Variants in EFCAB6 observed in about 807,000 individuals in gnomAD.
EFCAB6 encodes the protein EF-hand calcium-binding domain-containing protein 6.
Under a neutral mutation model 169.8 loss-of-function variants are expected in EFCAB6, and 156 were observed. That is an observed-to-expected ratio of 0.92 (90% CI 0.81 to 1.05). EFCAB6 has a LOEUF of 1.05. Among genes scored for constraint, EFCAB6 ranks in the 50% least tolerant of loss-of-function variants. EFCAB6 has a pLI of 0.00. For missense variants in EFCAB6, 1,800 were observed against 1,829.1 expected (o/e 0.98, Z 0.29); for synonymous variants, 698 against 676.4 (o/e 1.03, Z -0.50).
At chr22:43,656,483 G>A (rs1276738604) in intron 17 of EFCAB6, among the ~76,000 whole-genome samples, 6 of 152,154 alleles carry the variant, frequency 3.9e-5, no homozygotes, top group Non-Finnish European at 8.8e-5. Flanking sequence ...CAATTGACAT[G>A]CTGTTATGGA....
At chr22:43,604,676 C>T (rs1300907257) in intron 22 of EFCAB6, among the ~76,000 whole-genome samples, 1 of 152,152 alleles carries the variant, frequency 6.6e-6, no homozygotes, top group African/African-American at 2.4e-5. Flanking sequence ...AATGGCCTCA[C>T]TTCTTGTGAA....
intron 8 of EFCAB6, among the ~76,000 whole-genome samples, chr22:43,722,679 A>G (rs1193462047): frequency 6.6e-6 from 1 of 152,256 alleles, no homozygotes; most frequent in Non-Finnish European, 1.5e-5. Flanking sequence ...CAGAGCTACT[A>G]TTCAACGCAG....
At chr22:43,627,367 C>G (rs2054601531) in intron 19 of EFCAB6, among the ~76,000 whole-genome samples, 1 of 152,328 alleles carries the variant, frequency 6.6e-6, no homozygotes, top group Middle Eastern at 3.4e-3. Context: ...CCCAGCTCTG[C>G]CACTTACTAG....
intron 17 of EFCAB6, among the ~76,000 whole-genome samples, chr22:43,649,763 G>A (rs1026229812): frequency 6.6e-5 from 10 of 152,114 alleles, no homozygotes; most frequent in African/African-American, 9.7e-5. Flanking sequence ...AGAGAGCTGC[G>A]GAGGCAACCA....
intron 17 of EFCAB6, among the ~76,000 whole-genome samples, chr22:43,650,945 G>A (rs2148055555): frequency 6.6e-6 from 1 of 152,282 alleles, no homozygotes; most frequent in African/African-American, 2.4e-5. Context: ...GAGGTGACTT[G>A]GGTGATGTTA....
Position 43,674,226 on chromosome 22 carries a change from G to A in EFCAB6, c.1420-1921C>T, listed in dbSNP as rs531403958. ...AGAATTAGTGGTGACTTTTATTTTC[G>A]CCTATTGCACATCTATGTTTTCTAA... On this transcript the variant is annotated intron_variant, in intron 13 of 31. Coordinates refer to ENST00000262726, the MANE Select transcript of EFCAB6 (RefSeq NM_022785.4). 4.5e-4 allele frequency among the ~76,000 whole-genome samples: 69 copies of A among 152,214 alleles called. 1 individual carries two copies. Among genetic ancestry groups the A allele is most frequent in the African/African-American group, 1.4e-3 (59 of 41,526 alleles).
At chr22:43,805,632 A>G (rs941628801) in intron 2 of EFCAB6, among the ~76,000 whole-genome samples, 1 of 152,220 alleles carries the variant, frequency 6.6e-6, no homozygotes, top group Non-Finnish European at 1.5e-5. Flanking sequence ...ACCTAGTGTT[A>G]GACAGATCAG....
intron 9 of EFCAB6, among the ~76,000 whole-genome samples, chr22:43,714,487 T>A (rs2059264306): frequency 6.6e-6 from 1 of 151,582 alleles, no homozygotes; most frequent in African/African-American, 2.4e-5. Flanking sequence ...AAATGGTCCA[T>A]GCCGAGATAT....
intron 11 of EFCAB6, 27 bp downstream of exon 11, chr22:43,687,444 T>TTTG: frequency 7.9e-7 from 1 of 1,271,836 alleles, no homozygotes; most frequent in South Asian, 1.4e-5. Context: ...GTAACTAAAA[T>TTTG]TTGTTTTTTT....
At chr22:43,702,332 GA>G (rs1388605248) in intron 10 of EFCAB6, among the ~76,000 whole-genome samples, 4 of 152,160 alleles carry the variant, frequency 2.6e-5, no homozygotes, top group Non-Finnish European at 4.4e-5. Flanking sequence ...CTCCCTCACA[GA>G]AAGTTCAACT....
intron 6 of EFCAB6, among the ~76,000 whole-genome samples, chr22:43,753,791 G>T (rs1226185745): frequency 6.6e-6 from 1 of 152,162 alleles, no homozygotes; most frequent in Non-Finnish European, 1.5e-5. Flanking sequence ...AGGAAGGCTG[G>T]TCCAAACATG....
intron 26 of EFCAB6, among the ~76,000 whole-genome samples, chr22:43,555,446 C>T (rs1190836893): frequency 1.3e-5 from 2 of 152,234 alleles, no homozygotes; most frequent in Admixed American, 1.3e-4. Flanking sequence ...TTAACAAACA[C>T]AGTGCGAGCC....
At chr22:43,719,316 G>A (rs1469663173) in intron 8 of EFCAB6, among the ~76,000 whole-genome samples, 1 of 152,192 alleles carries the variant, frequency 6.6e-6, no homozygotes, top group African/African-American at 2.4e-5. Flanking sequence ...TACCCAATGT[G>A]AAACTGGGTG....
intron 25 of EFCAB6, among the ~76,000 whole-genome samples, chr22:43,579,492 A>C (rs569943822): frequency 1.0e-4 from 15 of 149,926 alleles, no homozygotes; most frequent in African/African-American, 3.2e-4. Context: ...ACATGTAGGC[A>C]TCATTGCTTA....
At chr22:43,607,578 T>C (rs2053013315) in intron 22 of EFCAB6, among the ~76,000 whole-genome samples, 1 of 152,374 alleles carries the variant, frequency 6.6e-6, no homozygotes, top group South Asian at 2.1e-4. Context: ...AACTGATCTT[T>C]AAAAAGTAAG....
chr22:43,580,719 C>A, intron 24 of EFCAB6, 60 bp from the exon 25 acceptor site: 2 of 1,557,274 alleles, frequency 1.3e-6, no homozygotes, highest in South Asian at 1.2e-5. Context: ...ACTGCTTATT[C>A]ATTCAACAGT....
rs139071619 is a variant in EFCAB6, at chr22:43,749,436, A to C, written c.507+6330T>G. ...GTACCGGGGACCAGTTTTGTGGAAG[A>C]CAATTTTTCCATGGGCCAGTGGGGA... On this transcript the variant is annotated intron_variant, in intron 6 of 31. Coordinates refer to ENST00000262726, the MANE Select transcript of EFCAB6 (RefSeq NM_022785.4). 1.6e-3 allele frequency among the ~76,000 whole-genome samples: 245 copies of C among 152,236 alleles called. 1 individual carries two copies. Among genetic ancestry groups the C allele is most frequent in the African/African-American group, 5.3e-3 (222 of 41,546 alleles).
chr22:43,789,645 C>T (rs946074811), intron 2 of EFCAB6, among the ~76,000 whole-genome samples: 2 of 152,106 alleles, frequency 1.3e-5, no homozygotes, highest in Non-Finnish European at 1.5e-5. Flanking sequence ...TACATGCCTT[C>T]GTGATTTTTA....
intron 8 of EFCAB6, among the ~76,000 whole-genome samples, chr22:43,720,606 A>G (rs1461737433): frequency 6.6e-6 from 1 of 152,032 alleles, no homozygotes; most frequent in Non-Finnish European, 1.5e-5. Flanking sequence ...TCAAAGTTAT[A>G]TCATGGAAGG....
Sources: gnomAD v4.1 joint callset for allele counts (sites outside exome capture counted in the v4.1 genomes callset) on GRCh38, gnomAD v4.1.1 for gene constraint, MANE v1.5 for transcripts, NCBI Gene and HGNC (gene_info 2026-07-23, HGNC 2026-07-21) for gene names.